The following BABAM2 variants were observed in gnomAD, a reference collection of about 807,000 sequenced individuals.
BABAM2 encodes BRISC and BRCA1 A complex member 2.
Under a neutral mutation model 54.7 loss-of-function variants are expected in BABAM2, and 31 were observed. The observed-to-expected ratio is 0.57, with a 90% CI of 0.43 to 0.77. BABAM2 has a LOEUF of 0.77. Ranked by LOEUF, BABAM2 falls within the 30% of genes least tolerant of loss-of-function variation. BABAM2 has a pLI of 0.00. For synonymous variants in BABAM2, 167 were observed against 162.9 expected, an observed-to-expected ratio of 1.03 and a Z score of -0.19; for missense variants, 364 against 455.8, an observed-to-expected ratio of 0.80 and a Z score of 1.83.
intron 6 of BABAM2, among the ~76,000 whole-genome samples, chr2:28,059,042 G>T: frequency 6.6e-6 from 1 of 151,976 alleles, no homozygotes; most frequent in African/African-American, 2.4e-5. Context: ...AGGTTTTTTG[G>T]TTTTATTCTT....
intron 7 of BABAM2, among the ~76,000 whole-genome samples, chr2:28,217,137 C>T (rs1357664874): frequency 7.6e-6 from 1 of 131,204 alleles, no homozygotes; most frequent in African/African-American, 2.7e-5. Context: ...ATTATTATTG[C>T]ATTGTCTCTT....
chr2:28,107,336 T>G (rs1288678129), intron 6 of BABAM2, among the ~76,000 whole-genome samples: 1 of 152,236 alleles, frequency 6.6e-6, no homozygotes, highest in Non-Finnish European at 1.5e-5. Flanking sequence ...GATTATGTCA[T>G]TACTCACTTT....
At chr2:28,075,286 G>C (rs1004520145) in intron 6 of BABAM2, among the ~76,000 whole-genome samples, 2 of 152,198 alleles carry the variant, frequency 1.3e-5, no homozygotes, top group Admixed American at 6.5e-5. Context: ...AGCTGAGAAG[G>C]CTGTTTAGGT....
chr2:28,284,603 G>A (rs958787482), intron 10 of BABAM2, among the ~76,000 whole-genome samples: 8 of 152,162 alleles, frequency 5.3e-5, no homozygotes, highest in East Asian at 1.9e-4. Context: ...CCATTTGACC[G>A]TAGATTCTCT....
chr2:27,952,486 C>T (rs1438108435), intron 3 of BABAM2, among the ~76,000 whole-genome samples: 1 of 152,154 alleles, frequency 6.6e-6, no homozygotes. Flanking sequence ...AAAATTCTGG[C>T]CTGGCCTCAT....
chr2:28,004,834 A>G (rs923288550), intron 4 of BABAM2, among the ~76,000 whole-genome samples: 1 of 152,082 alleles, frequency 6.6e-6, no homozygotes, highest in Non-Finnish European at 1.5e-5. Context: ...CCACACTTCC[A>G]TGCCTGGCTT....
intron 11 of BABAM2, among the ~76,000 whole-genome samples, chr2:28,300,687 T>C (rs1042639650): frequency 6.6e-6 from 1 of 152,192 alleles, no homozygotes; most frequent in African/African-American, 2.4e-5. Flanking sequence ...CAAGTATGAA[T>C]TGAGTCTTTA....
rs139842438 is a variant in BABAM2 at position 28,001,345 on chromosome 2, T to C, written c.300+13258T>C. ...ACAAACATGTATTGAGCCTGTATTA[T>C]ATTTAAGGCTTGCACTAGGTGCAAG... On this transcript the variant is annotated intron_variant, in intron 4 of 11. Coordinates refer to ENST00000379624, the MANE Select transcript of BABAM2 (RefSeq NM_199191.3). 6.3e-3 allele frequency among the ~76,000 whole-genome samples: 958 copies of C among 152,326 alleles called. 6 individuals carry two copies. The highest frequency in any genetic ancestry group is 7.8e-3 in the Non-Finnish European group (533 of 68,020).
rs192974288 is a variant in BABAM2 at position 28,310,857 on chromosome 2, C to G, written c.1088+12366C>G. ...CAAGATCGTGCCACTGCACTCCTGCCAGGGTGACAGAGCAAGACCCCGTCT... is the reference window on the plus strand; with the variant it reads ...CAAGATCGTGCCACTGCACTCCTGCGAGGGTGACAGAGCAAGACCCCGTCT... On this transcript the variant is annotated intron_variant, in intron 11 of 11. Transcript: ENST00000379624. Among the ~76,000 whole-genome samples the G allele has an allele frequency of 6.3e-4, 95 of 151,992 alleles. 2 individuals are homozygous for G. Among genetic ancestry groups the G allele is most frequent in the Admixed American group, 3.3e-3 (51 of 15,254 alleles).
chr2:28,260,862 C>T (rs911512157), intron 10 of BABAM2, among the ~76,000 whole-genome samples: 1 of 151,758 alleles, frequency 6.6e-6, no homozygotes, highest in African/African-American at 2.4e-5. Context: ...ACAAGTCTTG[C>T]ACATCTTTTG....
At chr2:28,020,995 T>A (rs764143788) in intron 4 of BABAM2, among the ~76,000 whole-genome samples, 2 of 110,206 alleles carry the variant, frequency 1.8e-5, no homozygotes, top group South Asian at 3.2e-4. Context: ...ACACACAAAC[T>A]ACTTGTATGA....
intron 6 of BABAM2, among the ~76,000 whole-genome samples, chr2:28,100,024 T>C (rs558721629): frequency 1.3e-5 from 2 of 152,222 alleles, no homozygotes; most frequent in South Asian, 4.1e-4. Context: ...TTATTTTTAC[T>C]TTTGCTCTTC....
intron 6 of BABAM2, among the ~76,000 whole-genome samples, chr2:28,053,562 A>G (rs552428857): frequency 6.6e-6 from 1 of 152,306 alleles, no homozygotes; most frequent in South Asian, 2.1e-4. Context: ...TGCATTTGAG[A>G]CTTAATCACA....
intron 10 of BABAM2, among the ~76,000 whole-genome samples, chr2:28,276,004 T>C (rs1204146361): frequency 1.4e-5 from 2 of 139,110 alleles, no homozygotes; most frequent in African/African-American, 5.7e-5. Context: ...CAAATTTTTA[T>C]CTCAAAAAAA....
chr2:28,187,105 G>A (rs937175292), intron 7 of BABAM2, among the ~76,000 whole-genome samples: 5 of 152,038 alleles, frequency 3.3e-5, no homozygotes, highest in South Asian at 2.1e-4. Context: ...GCGCCCAGCC[G>A]GAATTCAACA....
chr2:28,283,072 A>T (rs898658328), intron 10 of BABAM2, among the ~76,000 whole-genome samples: 11 of 151,934 alleles, frequency 7.2e-5, no homozygotes, highest in African/African-American at 2.7e-4. Context: ...GTAGTAAGAG[A>T]TCTTTCAAGC....
intron 10 of BABAM2, among the ~76,000 whole-genome samples, chr2:28,287,916 C>T (rs544781212): frequency 6.6e-6 from 1 of 152,168 alleles, no homozygotes; most frequent in East Asian, 1.9e-4. Flanking sequence ...AATCTGCTCA[C>T]TCAGTGTGTG....
chr2:27,990,884 A>T (rs1220645424), intron 4 of BABAM2, among the ~76,000 whole-genome samples: 1 of 152,080 alleles, frequency 6.6e-6, no homozygotes, highest in African/African-American at 2.4e-5. Context: ...GAGGTAGCTT[A>T]AGTAAAGGAC....
In BABAM2 at chr2:28,084,652, C is replaced by T. The variant is rs1665483300; in HGVS notation, c.570+38853C>T. On this transcript the variant is annotated intron_variant, in intron 6 of 11. Transcript: ENST00000379624. Reference sequence around the variant, plus strand: ...ATGCCTTTTGTGCTGTTAGCATTGTCATCTGTTGCTGGAAAGGGTAATCCT... The same window carrying T: ...ATGCCTTTTGTGCTGTTAGCATTGTTATCTGTTGCTGGAAAGGGTAATCCT... Among the ~76,000 whole-genome samples, 3 of 152,074 alleles carry T rather than the reference C, an allele frequency of 2.0e-5. No individual in the cohort carries two copies. In the South Asian group the frequency reaches 6.2e-4, roughly 32 times the overall value.
Sources: gnomAD v4.1 joint callset for allele counts (sites outside exome capture counted in the v4.1 genomes callset) on GRCh38, gnomAD v4.1.1 for gene constraint, MANE v1.5 for transcripts, NCBI Gene and HGNC (gene_info 2026-07-23, HGNC 2026-07-21) for gene names.